ADAM18: variants seen among roughly 807,000 people sequenced by gnomAD.
ADAM18 encodes the protein disintegrin and metalloproteinase domain-containing protein 18.
A neutral mutation model predicts 94.4 loss-of-function variants in ADAM18; 117 were observed. The observed-to-expected ratio is 1.24, with a 90% CI of 1.07 to 1.45. The LOEUF (loss-of-function observed/expected upper bound fraction) is 1.45, where lower values mean the gene tolerates loss of function less well. ADAM18 is among the 40% of genes most tolerant of loss of function. The probability of loss-of-function intolerance (pLI) is 0.00; values close to 1 mark genes in which losing one functional copy is unlikely to be tolerated. For synonymous variants in ADAM18, 327 were observed against 291.6 expected (o/e 1.12, Z -1.24); for missense variants, 936 against 880.0 (o/e 1.06, Z -0.81).
chr8:39,631,569 T>G (rs1218520892), intron 7 of ADAM18, among the ~76,000 whole-genome samples: 3 of 152,068 alleles, frequency 2.0e-5, no homozygotes, highest in Non-Finnish European at 4.4e-5. Flanking sequence ...AATAATTCAC[T>G]GTGTTCATTA....
At chr8:39,602,504 G>A (rs1186647103) in intron 2 of ADAM18, among the ~76,000 whole-genome samples, 3 of 151,814 alleles carry the variant, frequency 2.0e-5, no homozygotes, top group African/African-American at 7.3e-5. Context: ...AGAACTTTAG[G>A]GTCATTTCTG....
chr8:39,648,871 T>A (rs1038050063), intron 12 of ADAM18, among the ~76,000 whole-genome samples: 7 of 152,210 alleles, frequency 4.6e-5, no homozygotes, highest in Non-Finnish European at 8.8e-5. Context: ...TTACTAAATG[T>A]GATCCAAATT....
At chr8:39,684,629 G>T (rs963006889) in intron 16 of ADAM18, among the ~76,000 whole-genome samples, 1 of 152,280 alleles carries the variant, frequency 6.6e-6, no homozygotes, top group East Asian at 1.9e-4. Flanking sequence ...TGTACTCATT[G>T]TTGCCCTGGT....
intron 12 of ADAM18, among the ~76,000 whole-genome samples, chr8:39,662,877 G>C (rs564056084): frequency 6.6e-6 from 1 of 152,210 alleles, no homozygotes; most frequent in South Asian, 2.1e-4. Flanking sequence ...TGCCCACCTT[G>C]GCCTCCCAAA....
intron 3 of ADAM18, among the ~76,000 whole-genome samples, chr8:39,608,832 T>A (rs547250480): frequency 6.5e-4 from 99 of 152,242 alleles, no homozygotes; most frequent in African/African-American, 2.3e-3. Context: ...TGCAGAGGAA[T>A]CCCAGAGTCT....
In ADAM18 at chr8:39,645,422, A is replaced by G; in HGVS notation, c.994A>G (p.Ile332Val). Residue 332 changes from isoleucine (I) to valine (V), a missense_variant, in exon 11 of 20, where the codon ATC becomes GTC. Transcript: ENST00000265707. ...TAATGTAGGATTAACATATGATGAC[A>G]TCACTCAGTGTTTCTGTCTGAGAGC... ...GLNVGLTYDD[I>V]TQCFCLRATC... The G allele has an allele frequency of 6.2e-7, 1 of 1,612,640 alleles. No individual in the cohort carries two copies. Among genetic ancestry groups the G allele is most frequent in the African/African-American group, 1.3e-5 (1 of 74,994 alleles).
chr8:39,628,707 G>A (rs1040463903), intron 6 of ADAM18, among the ~76,000 whole-genome samples: 13 of 151,996 alleles, frequency 8.6e-5, no homozygotes, highest in African/African-American at 2.9e-4. Flanking sequence ...ACTTCAGCTT[G>A]TTAGAAATAA....
At chr8:39,660,600 A>G (rs933084155) in intron 12 of ADAM18, among the ~76,000 whole-genome samples, 1 of 152,234 alleles carries the variant, frequency 6.6e-6, no homozygotes, top group South Asian at 2.1e-4. Flanking sequence ...GGTAAATATT[A>G]ACAGACATTA....
chr8:39,590,348 C>T (rs1301789907), intron 2 of ADAM18, among the ~76,000 whole-genome samples: 2 of 152,064 alleles, frequency 1.3e-5, no homozygotes, highest in Admixed American at 6.5e-5. Context: ...AAAAACCAAA[C>T]ACCGCATATT....
At chr8:39,728,078 G>A (rs1182463042) in intron 19 of ADAM18, among the ~76,000 whole-genome samples, 3 of 151,952 alleles carry the variant, frequency 2.0e-5, no homozygotes, top group African/African-American at 7.3e-5. Flanking sequence ...GAGAGAGTCA[G>A]GTGAGGATGG....
At chr8:39,592,930 C>T (rs1818619837) in intron 2 of ADAM18, among the ~76,000 whole-genome samples, 1 of 152,168 alleles carries the variant, frequency 6.6e-6, no homozygotes, top group South Asian at 2.1e-4. Context: ...GCTGTTTTAT[C>T]TACACTGAAA....
At chr8:39,697,057 G>A (rs1821947022) in intron 17 of ADAM18, among the ~76,000 whole-genome samples, 1 of 151,470 alleles carries the variant, frequency 6.6e-6, no homozygotes, top group South Asian at 2.1e-4. Context: ...GTAATTTTGA[G>A]TGTATATGTC....
At chr8:39,588,488 A>T (rs1434838843) in intron 2 of ADAM18, among the ~76,000 whole-genome samples, 2 of 152,322 alleles carry the variant, frequency 1.3e-5, no homozygotes, top group African/African-American at 2.4e-5. Context: ...GCTCTTTGTC[A>T]TATAGATCAT....
intron 16 of ADAM18, among the ~76,000 whole-genome samples, chr8:39,689,570 A>G (rs1007321210): frequency 9.9e-5 from 15 of 152,194 alleles, no homozygotes; most frequent in African/African-American, 3.4e-4. Flanking sequence ...TTTTTGAATC[A>G]GTACCATGCT....
At chr8:39,632,732 C>A (rs1819963899) in intron 7 of ADAM18, among the ~76,000 whole-genome samples, 1 of 152,026 alleles carries the variant, frequency 6.6e-6, no homozygotes, top group South Asian at 2.1e-4. Flanking sequence ...ATGAGTATGA[C>A]CCCTTCCACA....
intron 13 of ADAM18, 44 bp downstream of exon 13, chr8:39,663,934 G>C (rs559255877): frequency 1.5e-6 from 2 of 1,297,108 alleles, no homozygotes; most frequent in Non-Finnish European, 2.2e-6. Flanking sequence ...ACTGTGGTAA[G>C]AGACGTCTGT....
At chr8:39,608,541 C>T (rs1191896620) in intron 3 of ADAM18, among the ~76,000 whole-genome samples, 1 of 152,096 alleles carries the variant, frequency 6.6e-6, no homozygotes, top group East Asian at 1.9e-4. Context: ...TAGAATAACA[C>T]TTCTGTGAAA....
At chr8:39,644,071 C>T (rs181312775) in intron 10 of ADAM18, among the ~76,000 whole-genome samples, 19 of 151,964 alleles carry the variant, frequency 1.3e-4, no homozygotes, top group African/African-American at 4.1e-4. Flanking sequence ...CAAACATGTA[C>T]ACAATCTTTT....
chr8:39,686,440 GAAC>G (rs1563306468), intron 16 of ADAM18, among the ~76,000 whole-genome samples: 1 of 152,158 alleles, frequency 6.6e-6, no homozygotes, highest in Non-Finnish European at 1.5e-5. Context: ...CAGAAAGGGT[GAAC>G]AAGCTCCATT....
Sources: gnomAD v4.1 joint callset for allele counts (sites outside exome capture counted in the v4.1 genomes callset) on GRCh38, gnomAD v4.1.1 for gene constraint, MANE v1.5 for transcripts, NCBI Gene and HGNC (gene_info 2026-07-23, HGNC 2026-07-21) for gene names.